The following DCAF16 variants were observed in gnomAD, a reference collection of about 807,000 sequenced individuals.
The protein encoded by DCAF16 is DDB1 and CUL4 associated factor 16.
In DCAF16, 10 loss-of-function variants were observed where a neutral mutation model predicts 17.3. The ratio of observed to expected loss-of-function variants is 0.58; its 90% CI spans 0.36 to 0.98. The LOEUF (loss-of-function observed/expected upper bound fraction) is 0.98. Ranked by LOEUF, DCAF16 falls within the 50% of genes least tolerant of loss-of-function variation. The pLI, the probability that DCAF16 is intolerant of heterozygous loss-of-function variation, is 0.01. For synonymous variants in DCAF16, 111 were observed against 92.8 expected (o/e 1.20, Z -1.12); for missense variants, 249 against 247.6 (o/e 1.01, Z -0.04).
At position 17,801,821 on chromosome 4, in the gene DCAF16, C is replaced by T. The variant is rs1719817063; in HGVS notation, c.*1670G>A. The T allele has an allele frequency of 6.6e-6, 1 of 152,040 alleles. No homozygotes were observed. The highest frequency in any genetic ancestry group is 1.5e-5 in the Non-Finnish European group (1 of 68,020). The allele number at this position is 152,040 out of a possible 1,614,324, so 9.4% of individuals were successfully genotyped here. A position where few individuals can be genotyped will look rare whatever the true frequency, so the allele number is the denominator to read the frequency against. The stretch of plus-strand genomic sequence containing the variant: ...GTATTAGGCTGAGATTTTCTAATAA[C>T]AAGGTTCTTTAAAATTAGAAGGGTT... On this transcript the variant is annotated 3_prime_UTR_variant, in exon 3 of 3. Coordinates refer to ENST00000382247, the MANE Select transcript of DCAF16 (RefSeq NM_017741.4).
downstream of DCAF16, among the ~76,000 whole-genome samples, chr4:17,798,725 C>T (rs1045205676): frequency 6.6e-6 from 1 of 152,160 alleles, no homozygotes; most frequent in Non-Finnish European, 1.5e-5. Context: ...TGTGGTATAT[C>T]CTCATCCTTT....
chr4:17,808,529 C>T (rs1415163638), intron 1 of DCAF16, among the ~76,000 whole-genome samples: 1 of 151,888 alleles, frequency 6.6e-6, no homozygotes, highest in Non-Finnish European at 1.5e-5. Context: ...TAATCTAGCA[C>T]CTTTGAAAAA....
chr4:17,796,850 G>C (rs534266031), downstream of DCAF16, among the ~76,000 whole-genome samples: 1 of 151,940 alleles, frequency 6.6e-6, no homozygotes, highest in Non-Finnish European at 1.5e-5. Flanking sequence ...TCTGCAATTG[G>C]GCCTCCTCTT....
rs147035508 is a variant in DCAF16 at position 17,809,095 on chromosome 4, A to G, written c.-750+1352T>C. On this transcript the variant is annotated intron_variant, in intron 1 of 2. Transcript: ENST00000382247. ...CAAAATTATGGGCAACACAAATGTT[A>G]CCACATTCTTAACTAGCAGCTGAAT... Among the ~76,000 whole-genome samples, 326 of 152,316 alleles carry G rather than the reference A, an allele frequency of 2.1e-3. 1 individual carries two copies. Among genetic ancestry groups the G allele is most frequent in the African/African-American group, 7.0e-3 (290 of 41,582 alleles).
At chr4:17,809,031 A>C (rs1178531799) in intron 1 of DCAF16, among the ~76,000 whole-genome samples, 2 of 152,224 alleles carry the variant, frequency 1.3e-5, no homozygotes, top group African/African-American at 4.8e-5. Flanking sequence ...TCTGTCTCAA[A>C]ATAAAAATAA....
downstream of DCAF16, among the ~76,000 whole-genome samples, chr4:17,799,357 T>G (rs558162637): frequency 2.8e-4 from 43 of 152,330 alleles, no homozygotes; most frequent in African/African-American, 1.0e-3. Context: ...AGAAATGGCT[T>G]GGGGTAACAT....
chr4:17,805,655 C>T (rs1664364629), intron 1 of DCAF16, among the ~76,000 whole-genome samples: 1 of 152,156 alleles, frequency 6.6e-6, no homozygotes, highest in South Asian at 2.1e-4. Context: ...AGATGAGATA[C>T]ATTTCCTTTA....
downstream of DCAF16, among the ~76,000 whole-genome samples, chr4:17,799,399 A>G (rs1719588522): frequency 6.6e-6 from 1 of 152,228 alleles, no homozygotes; most frequent in Non-Finnish European, 1.5e-5. Flanking sequence ...CTAATTTCCT[A>G]TGTGTAGTAA....
chr4:17,796,894 A>C (rs1021527237), downstream of DCAF16, among the ~76,000 whole-genome samples: 2 of 152,216 alleles, frequency 1.3e-5, no homozygotes, highest in Admixed American at 1.3e-4. Context: ...GAAATAAATA[A>C]ATAAATATAT....
chr4:17,800,489 T>G (rs1719664217), downstream of DCAF16, among the ~76,000 whole-genome samples: 1 of 151,184 alleles, frequency 6.6e-6, no homozygotes, highest in Admixed American at 6.6e-5. Context: ...ATTTTCTTCT[T>G]CAAGTGTGTT....
At position 17,803,820 on chromosome 4, in the gene DCAF16, C is replaced by T; in HGVS notation, c.322G>A (p.Glu108Lys). 6.2e-7 allele frequency: 1 copy of T among 1,614,126 alleles called. No homozygotes were observed. Among genetic ancestry groups the T allele is most frequent in the Non-Finnish European group, 8.5e-7 (1 of 1,180,038 alleles). Reference protein sequence around the residue: ...SHCSHCVPKLEPIPEWPPLAS... With the variant: ...SHCSHCVPKLKPIPEWPPLAS... The stretch of plus-strand genomic sequence containing the variant: ...AGAGGGGGCCATTCAGGAATTGGTT[C>T]CAGTTTGGGGACACAATGGGAACAA... The change falls in exon 3 of 3, where the codon GAA becomes AAA. Residue 108 changes from glutamate to lysine, a missense_variant. Glu to Lys is a moderately conservative substitution (Grantham distance 56). Coordinates refer to ENST00000382247, the MANE Select transcript of DCAF16 (RefSeq NM_017741.4).
chr4:17,796,781 G>C (rs2109008838), downstream of DCAF16, among the ~76,000 whole-genome samples: 1 of 152,170 alleles, frequency 6.6e-6, no homozygotes, highest in Non-Finnish European at 1.5e-5. Context: ...TGCAAATATT[G>C]TAATGGTTAT....
Position 17,803,624 on chromosome 4 carries a change from C to T in DCAF16, c.518G>A (p.Cys173Tyr). 1.2e-6 allele frequency: 2 copies of T among 1,614,190 alleles called. No homozygotes were observed. The highest frequency in any genetic ancestry group is 2.2e-5 in the East Asian group (1 of 44,880). ...CCAGCCACAGCAACACCCAGAAACA[C>T]ATGAATTAGGGATCTGTTTTAGGTA... Reference protein sequence around the residue: ...PEYLKQIPNSCVSGCCCGWLT... With the variant: ...PEYLKQIPNSYVSGCCCGWLT... The change falls in exon 3 of 3, where the codon TGT (cysteine) becomes TAT (tyrosine). Residue 173 changes from cysteine to tyrosine, a missense_variant. Transcript: ENST00000382247.
At chr4:17,798,833 G>T (rs562728864), downstream of DCAF16, among the ~76,000 whole-genome samples, 1 of 152,262 alleles carries the variant, frequency 6.6e-6, no homozygotes, top group South Asian at 2.1e-4. Context: ...ACTCAAATAT[G>T]TAGTCATTAA....
rs750393116 is a variant in DCAF16 at position 17,804,584 on chromosome 4, C to T, written c.-443G>A. 1 of 181,234 alleles carries T rather than the reference C, an allele frequency of 5.5e-6. No individual in the cohort carries two copies. Among genetic ancestry groups the T allele is most frequent in the Non-Finnish European group, 1.3e-5 (1 of 76,350 alleles). The allele number at this position is 181,234 out of a possible 1,614,324, so 11.2% of individuals were successfully genotyped here. ...ATCTACTTGACAATCAAAAGAAGCT[C>T]AGTAGTTGTCTTGCTTGTCCGCTGG... On this transcript the variant is annotated 5_prime_UTR_variant, in exon 3 of 3. An upstream open reading frame in the 5' UTR loses its in-frame stop. Transcript: ENST00000382247.
downstream of DCAF16, among the ~76,000 whole-genome samples, chr4:17,797,304 T>C (rs1384806127): frequency 6.6e-6 from 1 of 152,186 alleles, no homozygotes; most frequent in Non-Finnish European, 1.5e-5. Flanking sequence ...ATAACATAAC[T>C]TTTTTTCTGG....
rs951714056 is a variant in DCAF16, at chr4:17,802,677, A to G, written c.*814T>C. The stretch of plus-strand genomic sequence containing the variant: ...AAAAGAAAAAATAAAAGGAACCCTA[A>G]AGAGTGTCATATGTAGGCACATCTA... On this transcript the variant is annotated 3_prime_UTR_variant, in exon 3 of 3. Transcript: ENST00000382247. 6.6e-6 allele frequency: 1 copy of G among 151,934 alleles called. No homozygotes were observed. Among genetic ancestry groups the G allele is most frequent in the African/African-American group, 2.4e-5 (1 of 41,396 alleles). The allele number at this position is 151,934 out of a possible 1,614,324, so 9.4% of individuals were successfully genotyped here. A position where few individuals can be genotyped will look rare whatever the true frequency, so the allele number is the denominator to read the frequency against.
At position 17,803,545 on chromosome 4, in the gene DCAF16, A is replaced by G. The variant is rs765894766; in HGVS notation, c.597T>C (p.Tyr199=). 3.4e-5 allele frequency: 55 copies of G among 1,614,102 alleles called. No homozygotes were observed. Among genetic ancestry groups the G allele is most frequent in the East Asian group, 6.7e-5 (3 of 44,898 alleles). The change falls in exon 3 of 3, where the codon TAT becomes TAC. Residue 199 remains tyrosine, a synonymous_variant. Transcript: ENST00000382247. ...TTRTEPINTT[Y]SYTDFQKAVN... ...CTGCCTTTTGGAAGTCAGTGTAAGA[A>G]TAAGTAGTGTTGATGGGTTCAGTAC...
At chr4:17,798,219 T>C (rs1363523496), downstream of DCAF16, among the ~76,000 whole-genome samples, 1 of 152,140 alleles carries the variant, frequency 6.6e-6, no homozygotes, top group East Asian at 1.9e-4. Context: ...GTTTTATGAT[T>C]CAACTTGAAA....
Sources: gnomAD v4.1 joint callset for allele counts (sites outside exome capture counted in the v4.1 genomes callset) on GRCh38, gnomAD v4.1.1 for gene constraint, MANE v1.5 for transcripts, NCBI Gene and HGNC (gene_info 2026-07-23, HGNC 2026-07-21) for gene names.